ZNF607: variants seen among roughly 807,000 people sequenced by gnomAD.
ZNF607 encodes the protein zinc finger protein 607.
ZNF607 carries 5 observed loss-of-function variants against 12.8 expected under a neutral mutation model. The observed-to-expected ratio is 0.39, with a 90% CI of 0.20 to 0.82. The LOEUF (loss-of-function observed/expected upper bound fraction) is 0.82. Among genes scored for constraint, ZNF607 ranks in the 40% least tolerant of loss-of-function variants. The pLI is 0.39. For missense variants in ZNF607, 851 were observed against 859.2 expected, an observed-to-expected ratio of 0.99 and a Z score of 0.12; for synonymous variants, 287 against 276.2, an observed-to-expected ratio of 1.04 and a Z score of -0.39.
rs201855861 is a variant in ZNF607 at position 37,719,600 on chromosome 19, G to A, written c.-406C>T. 484 of 152,492 alleles carry A rather than the reference G, an allele frequency of 3.2e-3. No individual in the cohort carries two copies. The highest frequency in any genetic ancestry group is 5.7e-3 in the Non-Finnish European group (388 of 68,142). The allele number at this position is 152,492 out of a possible 1,614,324, so 9.4% of individuals were successfully genotyped here. On this transcript the variant is annotated 5_prime_UTR_variant, in exon 1 of 5. In the 5' UTR this introduces an upstream ATG that the reference lacks. Transcript: ENST00000355202. ...GGAGCCAGGGGTCCAAGTTTTCTCC[G>A]TTGCCTTTGTAATATGTAGTCCAAG...
intron 4 of ZNF607, among the ~76,000 whole-genome samples, chr19:37,702,645 A>G (rs1215476006): frequency 6.6e-6 from 1 of 152,206 alleles, no homozygotes; most frequent in Non-Finnish European, 1.5e-5. Flanking sequence ...GATGATGTAA[A>G]TAAAATAATT....
chr19:37,697,232 G>A lies in ZNF607; in HGVS notation c.*808C>T, dbSNP rs1599657916. 1.3e-6 allele frequency: 1 copy of A among 748,738 alleles called. No individual in the cohort carries two copies. Among genetic ancestry groups the A allele is most frequent in the African/African-American group, 1.7e-5 (1 of 58,598 alleles). The allele number at this position is 748,738 out of a possible 1,614,324, so 46.4% of individuals were successfully genotyped here. On this transcript the variant is annotated 3_prime_UTR_variant, in exon 5 of 5. Coordinates refer to ENST00000355202, the MANE Select transcript of ZNF607 (RefSeq NM_032689.5). ...TAATTGGTTTTTGTACACATGGGAT[G>A]AGAAAGTGAGTCCCTTCCCCTACCA... is the stretch of plus-strand genomic sequence containing the variant.
At position 37,699,219 on chromosome 19, in the gene ZNF607, AGTAT is replaced by A; in HGVS notation, c.908_911del (p.His303LeufsTer221). 6.2e-7 allele frequency: 1 copy of A among 1,614,148 alleles called. No homozygotes were observed. On this transcript the variant is annotated frameshift_variant, in exon 5 of 5. Coordinates refer to ENST00000355202, the MANE Select transcript of ZNF607 (RefSeq NM_032689.5). LOFTEE classifies it low-confidence loss of function (END_TRUNC). ...CCTTGCATTCATAGGGTTTTTCTCC[AGTAT>A]GAATTCTTTTATGACCCACAAGGTG... is the stretch of plus-strand genomic sequence containing the variant.
chr19:37,714,585 G>C (rs1018785846), intron 1 of ZNF607, among the ~76,000 whole-genome samples: 1 of 131,174 alleles, frequency 7.6e-6, no homozygotes, highest in African/African-American at 2.8e-5. Flanking sequence ...AAAAAAAAAA[G>C]TATGCAAAAA....
Position 37,719,558 on chromosome 19 carries a change from CA to C in ZNF607, c.-365del. 6.6e-6 allele frequency: 1 copy of C among 152,514 alleles called. No individual in the cohort carries two copies. Among genetic ancestry groups the C allele is most frequent in the Non-Finnish European group, 1.5e-5 (1 of 68,168 alleles). 9.4% of individuals were successfully genotyped at this position (152,514 alleles called of 1,614,324 possible). A position where few individuals can be genotyped will look rare whatever the true frequency, so the allele number is the denominator to read the frequency against. ...CTGCGCCGCCTTCTTCAGGTGGAAC[CA>C]AAAGGTCCCGGAACCGGAGCCAGGG... On this transcript the variant is annotated 5_prime_UTR_variant, in exon 1 of 5. Coordinates refer to ENST00000355202, the MANE Select transcript of ZNF607 (RefSeq NM_032689.5).
Position 37,698,697 on chromosome 19 carries a change from TAC to T in ZNF607, c.1432_1433del (p.Val478MetfsTer9). On this transcript the variant is annotated frameshift_variant, in exon 5 of 5. Coordinates refer to ENST00000355202, the MANE Select transcript of ZNF607 (RefSeq NM_032689.5). LOFTEE classifies it low-confidence loss of function (END_TRUNC). ...ERIHTGEKPYVCQECGKGFSY... is the reference protein window; with the variant it reads ...ERIHTGEKPYXCQECGKGFSY... Reference sequence around the variant, plus strand: ...TAAAACCCTTCCCACACTCTTGACATACATAGGGTTTCTCTCCTGTATGAATT... The same window carrying T: ...TAAAACCCTTCCCACACTCTTGACATATAGGGTTTCTCTCCTGTATGAATT... 6.2e-7 allele frequency: 1 copy of T among 1,613,348 alleles called. No homozygotes were observed. Among genetic ancestry groups the T allele is most frequent in the Non-Finnish European group, 8.5e-7 (1 of 1,179,436 alleles).
In ZNF607 at chr19:37,707,939, CCTCA is replaced by C. The variant is rs1568406021; in HGVS notation, c.206_209del (p.Val69GlyfsTer17). ...CTGTACACTCTCCTCTTGTTTCTTC[CCTCA>C]CAATCATCCATGGCTCTTTTCCTTG... On this transcript the variant is annotated frameshift_variant, in exon 4 of 5. Coordinates refer to ENST00000355202, the MANE Select transcript of ZNF607 (RefSeq NM_032689.5). LOFTEE classifies it low-confidence loss of function (END_TRUNC). 1 of 1,613,886 alleles carries C rather than the reference CCTCA, an allele frequency of 6.2e-7. No homozygotes were observed. Among genetic ancestry groups the C allele is most frequent in the Non-Finnish European group, 8.5e-7 (1 of 1,179,902 alleles).
intron 1 of ZNF607, among the ~76,000 whole-genome samples, chr19:37,717,085 G>C (rs73039004): frequency 0.028 from 4,276 of 152,286 alleles, 82 homozygotes; most frequent in Middle Eastern, 0.058. Context: ...AGTAAATGTA[G>C]CCACAACCCT....
rs757297863 is a variant in ZNF607 at position 37,699,700 on chromosome 19, C to T, written c.431G>A (p.Cys144Tyr). ...TIHTSEEPDQ[C>Y]EKFRKAFSHL... is the part of the protein sequence containing the mutation. ...GCTAAATGCCTTCCTAAACTTTTCA[C>T]ATTGATCAGGTTCCTCACTAGTATG... Residue 144 changes from cysteine (C) to tyrosine (Y), a missense_variant, in exon 5 of 5, where the codon TGT becomes TAT. Coordinates refer to ENST00000355202, the MANE Select transcript of ZNF607 (RefSeq NM_032689.5). The T allele has an allele frequency of 8.7e-6, 14 of 1,613,976 alleles. No individual in the cohort carries two copies. In the African/African-American group the frequency reaches 1.5e-4, roughly 17 times the overall value.
At position 37,698,355 on chromosome 19, in the gene ZNF607, T is replaced by C. The variant is rs1338891852; in HGVS notation, c.1776A>G (p.Lys592=). ...THAGEKSYEC[K]ECGETFSHAS... ...CATGACTAAAAGTTTCCCCACATTC[T>C]TTACATTCATAGGACTTTTCACCAG... Residue 592 remains lysine, a synonymous_variant, in exon 5 of 5, where the codon AAA becomes AAG. Transcript: ENST00000355202. The C allele has an allele frequency of 6.2e-7, 1 of 1,614,150 alleles. No individual in the cohort carries two copies. The highest frequency in any genetic ancestry group is 8.5e-7 in the Non-Finnish European group (1 of 1,180,012).
intron 1 of ZNF607, among the ~76,000 whole-genome samples, chr19:37,717,253 T>A (rs548864733): frequency 6.6e-6 from 1 of 152,306 alleles, no homozygotes; most frequent in African/African-American, 2.4e-5. Context: ...TGGCTCGATC[T>A]CGGCTCACTG....
Position 37,696,577 on chromosome 19 carries a change from G to A in ZNF607, c.*1463C>T, listed in dbSNP as rs2044976018. 2 of 534,516 alleles carry A rather than the reference G, an allele frequency of 3.7e-6. No individual in the cohort carries two copies. Among genetic ancestry groups the A allele is most frequent in the Non-Finnish European group, 6.8e-6 (2 of 293,506 alleles). The allele number at this position is 534,516 out of a possible 1,614,324, so 33.1% of individuals were successfully genotyped here. On this transcript the variant is annotated 3_prime_UTR_variant, in exon 5 of 5. Transcript: ENST00000355202. ...GGTGGTGTTACGAATCATCGGGGCT[G>A]TGGCCCAGTTGCCTCACGGAGGTGC...
chr19:37,710,116 C>G (rs936782865), intron 2 of ZNF607, among the ~76,000 whole-genome samples: 1 of 151,526 alleles, frequency 6.6e-6, no homozygotes, highest in Non-Finnish European at 1.5e-5. Context: ...GATTGCGCCA[C>G]TGCACTCCAG....
chr19:37,707,659 G>A (rs576550002), intron 4 of ZNF607, among the ~76,000 whole-genome samples: 3 of 151,838 alleles, frequency 2.0e-5, no homozygotes, highest in Admixed American at 2.0e-4. Context: ...CCCAGCTACT[G>A]TGGTGGATCA....
At chr19:37,704,996 C>A (rs555283402) in intron 4 of ZNF607, among the ~76,000 whole-genome samples, 24 of 151,448 alleles carry the variant, frequency 1.6e-4, no homozygotes, top group African/African-American at 5.8e-4. Flanking sequence ...ACTCAGTCTT[C>A]GCCTTAACAG....
intron 3 of ZNF607, among the ~76,000 whole-genome samples, chr19:37,709,051 G>C (rs2045110129): frequency 6.6e-6 from 1 of 152,088 alleles, no homozygotes; most frequent in Non-Finnish European, 1.5e-5. Flanking sequence ...AATGCTAGCT[G>C]TTCACATTAC....
intron 1 of ZNF607, among the ~76,000 whole-genome samples, chr19:37,713,182 AATT>A (rs1386096115): frequency 7.9e-5 from 12 of 151,994 alleles, no homozygotes; most frequent in Admixed American, 5.3e-4. Flanking sequence ...GACTCAGTGT[AATT>A]TGTTCATAGC....
At position 37,699,571 on chromosome 19, in the gene ZNF607, T is replaced by C. The variant is rs2045019620; in HGVS notation, c.560A>G (p.Gln187Arg). The part of the protein sequence containing the change: ...KVFSYPANLA[Q>R]HGKVHVEKPY... ...TTTCTCAACATGAACTTTCCCATGTTGAGCAAGGTTTGCAGGATAACTGAA... is the reference window on the plus strand; with the variant it reads ...TTTCTCAACATGAACTTTCCCATGTCGAGCAAGGTTTGCAGGATAACTGAA... Residue 187 changes from glutamine (Q) to arginine (R), a missense_variant, in exon 5 of 5, where the codon CAA becomes CGA. Physicochemically the swap from Gln to Arg is conservative, Grantham distance 43. Coordinates refer to ENST00000355202, the MANE Select transcript of ZNF607 (RefSeq NM_032689.5). The C allele has an allele frequency of 6.2e-7, 1 of 1,614,088 alleles. No individual in the cohort carries two copies. The highest frequency in any genetic ancestry group is 1.7e-5 in the Admixed American group (1 of 60,014).
chr19:37,715,324 G>GA (rs1555735684), intron 1 of ZNF607, among the ~76,000 whole-genome samples: 70 of 148,580 alleles, frequency 4.7e-4, no homozygotes, highest in Non-Finnish European at 1.0e-3. Context: ...AAAAAATTAG[G>GA]TTTTTTTTGG....
Sources: allele counts gnomAD v4.1 joint callset (sites outside exome capture counted in the v4.1 genomes callset), GRCh38; gene constraint gnomAD v4.1.1; transcripts MANE v1.5; gene names NCBI Gene and HGNC (gene_info 2026-07-23, HGNC 2026-07-21).